NOS1AP: variants seen among roughly 807,000 people sequenced by gnomAD.
NOS1AP encodes carboxyl-terminal PDZ ligand of neuronal nitric oxide synthase protein.
NOS1AP carries 21 observed loss-of-function variants against 56.2 expected under a neutral mutation model. The observed-to-expected ratio is 0.37, with a 90% CI of 0.26 to 0.54. NOS1AP has a LOEUF of 0.54. NOS1AP is among the 20% of genes least tolerant of loss of function. NOS1AP has a pLI of 0.84. For synonymous variants in NOS1AP, 270 were observed against 274.6 expected (o/e 0.98, Z 0.17); for missense variants, 522 against 657.8 (o/e 0.79, Z 2.26).
rs1175362694 is a variant in NOS1AP, at chr1:162,367,697, G to A, written c.*230G>A. 3 of 571,100 alleles carry A rather than the reference G, an allele frequency of 5.3e-6. No homozygotes were observed. The African/African-American group carries it at 5.6e-5, about 11-fold the overall frequency. The allele number at this position is 571,100 out of a possible 1,614,324, so 35.4% of individuals were successfully genotyped here. A position where few individuals can be genotyped will look rare whatever the true frequency, so the allele number is the denominator to read the frequency against. On this transcript the variant is annotated 3_prime_UTR_variant, in exon 10 of 10. Coordinates refer to ENST00000361897, the MANE Select transcript of NOS1AP (RefSeq NM_014697.3). This position sits in a 1 kb window ranked among gnomAD's most constrained non-coding sequence, Gnocchi z 6.5. ...GCTCCTCTCCTACTTGTGACTAGAG[G>A]GTGGTGGAGGTAAGGCCTTCCAGAG... is the stretch of plus-strand genomic sequence containing the variant.
intron 5 of NOS1AP, among the ~76,000 whole-genome samples, chr1:162,341,426 T>C (rs900767692): frequency 1.3e-5 from 2 of 152,226 alleles, no homozygotes; most frequent in African/African-American, 4.8e-5. Flanking sequence ...GTATGAGATA[T>C]CTGGGTTAAT....
At chr1:162,271,019 T>C (rs1311862048) in intron 2 of NOS1AP, among the ~76,000 whole-genome samples, 3 of 152,224 alleles carry the variant, frequency 2.0e-5, no homozygotes, top group Non-Finnish European at 2.9e-5. Context: ...CTGCTTTGCG[T>C]CAGTTGGTAG....
At chr1:162,343,741 T>A in intron 5 of NOS1AP, 94 bp from the exon 6 acceptor site, 2 of 1,452,828 alleles carry the variant, frequency 1.4e-6, no homozygotes, top group South Asian at 1.1e-5. Flanking sequence ...ACTTTAGATT[T>A]TTCTGTCTCT....
At chr1:162,322,040 G>A (rs190297382) in intron 4 of NOS1AP, among the ~76,000 whole-genome samples, 339 of 152,168 alleles carry the variant, frequency 2.2e-3, no homozygotes, top group Non-Finnish European at 3.2e-3. Flanking sequence ...ACCTACAAAT[G>A]TAACCCCCTG....
intron 1 of NOS1AP, among the ~76,000 whole-genome samples, chr1:162,107,474 T>TA (rs1285430398): frequency 1.3e-5 from 2 of 152,036 alleles, no homozygotes; most frequent in Admixed American, 6.5e-5. Flanking sequence ...GCTAGGACTA[T>TA]AGGTGTGCAC....
At chr1:162,352,231 T>G (rs144031129) in intron 6 of NOS1AP, among the ~76,000 whole-genome samples, 1,706 of 152,258 alleles carry the variant, frequency 0.011, 39 homozygotes, top group African/African-American at 0.039. Flanking sequence ...AGCTAATTTT[T>G]GTATTTTAGT....
chr1:162,157,921 C>T (rs538663703), intron 2 of NOS1AP, among the ~76,000 whole-genome samples: 119 of 152,220 alleles, frequency 7.8e-4, no homozygotes, highest in Admixed American at 1.3e-3. Flanking sequence ...GGTCTCTCAC[C>T]CTCTTGATGG....
rs920656542 is a variant in NOS1AP, at chr1:162,370,429, T to G, written c.*2962T>G. On this transcript the variant is annotated 3_prime_UTR_variant, in exon 10 of 10. Transcript: ENST00000361897. ...GTAAGTGCACTTACTCCCTGGATGTTGTCACTAGTCTAGTGGCTTTTGCTA... is the reference window on the plus strand; with the variant it reads ...GTAAGTGCACTTACTCCCTGGATGTGGTCACTAGTCTAGTGGCTTTTGCTA... The G allele has an allele frequency of 6.6e-6, 1 of 152,248 alleles. No individual in the cohort carries two copies. The highest frequency in any genetic ancestry group is 2.4e-5 in the African/African-American group (1 of 41,460). 9.4% of individuals were successfully genotyped at this position (152,248 alleles called of 1,614,324 possible).
At chr1:162,136,488 A>G (rs1459089091) in intron 1 of NOS1AP, among the ~76,000 whole-genome samples, 1 of 152,210 alleles carries the variant, frequency 6.6e-6, no homozygotes, top group Non-Finnish European at 1.5e-5. Context: ...TTACCGTATC[A>G]TATGGAAAAA....
chr1:162,128,757 G>GA (rs201746366), intron 1 of NOS1AP, among the ~76,000 whole-genome samples: 9 of 149,116 alleles, frequency 6.0e-5, no homozygotes, highest in Non-Finnish European at 1.2e-4. Flanking sequence ...TACAAACAGG[G>GA]AAAAAAAAAT....
chr1:162,289,464 CTTTTCTTTTT>C (rs1221746265), intron 3 of NOS1AP, among the ~76,000 whole-genome samples: 2 of 45,050 alleles, frequency 4.4e-5, no homozygotes, highest in Non-Finnish European at 8.1e-5. Flanking sequence ...CGCCCAGCTA[CTTTTCTTTTT>C]TTTTTTTTTT....
intron 2 of NOS1AP, among the ~76,000 whole-genome samples, chr1:162,170,042 C>A (rs926299540): frequency 3.9e-5 from 6 of 152,126 alleles, no homozygotes; most frequent in African/African-American, 7.2e-5. Flanking sequence ...TATAGTGCAC[C>A]CCTTTGAACT....
At chr1:162,306,003 A>G (rs1457748015) in intron 4 of NOS1AP, among the ~76,000 whole-genome samples, 1 of 152,246 alleles carries the variant, frequency 6.6e-6, no homozygotes, top group Non-Finnish European at 1.5e-5. Context: ...GATTTCAATC[A>G]GGGAAGCAGG....
chr1:162,218,378 T>C (rs1396193364), intron 2 of NOS1AP, among the ~76,000 whole-genome samples: 4 of 152,196 alleles, frequency 2.6e-5, no homozygotes, highest in African/African-American at 9.7e-5. Context: ...TAAATCACTA[T>C]CATAATGGCA....
At position 162,286,512 on chromosome 1, in the gene NOS1AP, T is replaced by C. The variant is rs368235639; in HGVS notation, c.178-832T>C. ...AAAATGAAGTTCACTGAGGAAAATGTAGAATTATACCACCAGTTATGAATA... is the reference window on the plus strand; with the variant it reads ...AAAATGAAGTTCACTGAGGAAAATGCAGAATTATACCACCAGTTATGAATA... On this transcript the variant is annotated intron_variant, in intron 2 of 9. Coordinates refer to ENST00000361897, the MANE Select transcript of NOS1AP (RefSeq NM_014697.3). Among the ~76,000 whole-genome samples the C allele has an allele frequency of 9.2e-5, 14 of 152,298 alleles. No individual in the cohort carries two copies. The South Asian group carries it at 1.5e-3, about 16-fold the overall frequency.
chr1:162,193,512 G>T (rs1651706997), intron 2 of NOS1AP, among the ~76,000 whole-genome samples: 1 of 152,182 alleles, frequency 6.6e-6, no homozygotes, highest in African/African-American at 2.4e-5. Context: ...TCTGAGTGGA[G>T]TAAGGAGAGG....
intron 5 of NOS1AP, among the ~76,000 whole-genome samples, chr1:162,341,931 C>CT (rs1399287935): frequency 6.6e-6 from 1 of 152,150 alleles, no homozygotes; most frequent in African/African-American, 2.4e-5. Context: ...TAAATCACGC[C>CT]TTTTTGTGTG....
intron 4 of NOS1AP, among the ~76,000 whole-genome samples, chr1:162,326,479 G>A (rs1298428036): frequency 6.6e-6 from 1 of 152,214 alleles, no homozygotes; most frequent in African/African-American, 2.4e-5. Flanking sequence ...CATATTACAT[G>A]TGTTTATGTA....
intron 3 of NOS1AP, among the ~76,000 whole-genome samples, chr1:162,294,967 A>ACTG (rs1167178801): frequency 2.6e-5 from 4 of 152,042 alleles, no homozygotes; most frequent in South Asian, 2.1e-4. Flanking sequence ...TGGCCTCACC[A>ACTG]CTGCTGCTGC....
Sources: allele counts gnomAD v4.1 joint callset (sites outside exome capture counted in the v4.1 genomes callset), GRCh38; gene constraint gnomAD v4.1.1; non-coding constraint Gnocchi (gnomAD v3.1); transcripts MANE v1.5; gene names NCBI Gene and HGNC (gene_info 2026-07-23, HGNC 2026-07-21).